SMG1: variants seen among roughly 807,000 people sequenced by gnomAD.
The protein encoded by SMG1 is serine/threonine-protein kinase SMG1.
In SMG1, 22 loss-of-function variants were observed where a neutral mutation model predicts 419.9. The ratio of observed to expected loss-of-function variants is 0.05; its 90% CI spans 0.04 to 0.07. The LOEUF (loss-of-function observed/expected upper bound fraction) is 0.07. Among genes scored for constraint, SMG1 ranks in the 10% least tolerant of loss-of-function variants. The pLI is 1.00. For synonymous variants in SMG1, 1,538 were observed against 1,553.5 expected, an observed-to-expected ratio of 0.99 and a Z score of 0.23; for missense variants, 3,185 against 4,342.0, an observed-to-expected ratio of 0.73 and a Z score of 7.49.
At chr16:18,856,862 G>A (rs922531689) in intron 29 of SMG1, 4 of 105,214 alleles carry the variant, frequency 3.8e-5, no homozygotes, top group African/African-American at 1.7e-4. Context: ...AGAGTGAGAT[G>A]GTCTCAAAAA....
At chr16:18,878,153 C>G (rs1313439878) in intron 11 of SMG1, 4 of 152,198 alleles carry the variant, frequency 2.6e-5, no homozygotes, top group Non-Finnish European at 5.9e-5. Context: ...CCTGTAATCT[C>G]AGCACTTTGG....
chr16:18,835,798 C>G, intron 48 of SMG1, 135 bp downstream of exon 48: 1 of 812,798 alleles, frequency 1.2e-6, no homozygotes, highest in Non-Finnish European at 1.9e-6. Flanking sequence ...ACTCTGGAGG[C>G]TGAGGCAGAG....
intron 1 of SMG1, among the ~76,000 whole-genome samples, chr16:18,908,224 C>T (rs997515390): frequency 6.6e-6 from 1 of 151,716 alleles, no homozygotes; most frequent in African/African-American, 2.4e-5. Flanking sequence ...AAAAATTAGG[C>T]AGGCGTGGTG....
In SMG1 at chr16:18,897,872, A is replaced by C. The variant is rs1480439014; in HGVS notation, c.93-916T>G. ...ATCCAAGTAAGTTCTTCCCCTACTG[A>C]TTTTCTCCTGAGAGGAACAACTTTG... On this transcript the variant is annotated intron_variant, in intron 1 of 62. Coordinates refer to ENST00000446231, the MANE Select transcript of SMG1 (RefSeq NM_015092.5). Among the ~76,000 whole-genome samples the C allele has an allele frequency of 2.0e-5, 3 of 150,898 alleles. No individual in the cohort carries two copies. The East Asian group carries it at 5.8e-4, about 29-fold the overall frequency.
Position 18,838,688 on chromosome 16 carries a change from G to A in SMG1, c.6947C>T (p.Ser2316Phe). 6.3e-7 allele frequency: 1 copy of A among 1,579,924 alleles called. No individual in the cohort carries two copies. The highest frequency in any genetic ancestry group is 8.6e-7 in the Non-Finnish European group (1 of 1,164,440). ...CATGACTGCAGTAGATCTTGCATAA[G>A]ACTAAAGGAAAGGAAATGGGGGCAG... is the stretch of plus-strand genomic sequence containing the variant. ...TPDEWWRVTQ[S>F]YARSTAVMSM... Residue 2316 changes from serine to phenylalanine, a missense_variant and splice_region_variant, in exon 43 of 63, where the codon TCT (serine) becomes TTT (phenylalanine). Physicochemically the swap from Ser to Phe is radical, Grantham distance 155. Around this residue, in one of 27 missense-constraint regions of SMG1, gnomAD observed 132 missense variants for 151.0 expected, o/e 0.87. Transcript: ENST00000446231.
At chr16:18,816,601 TCAA>T (rs1255008784) in intron 57 of SMG1, 72 bp from the exon 58 acceptor site, 72 of 1,256,220 alleles carry the variant, frequency 5.7e-5, no homozygotes, top group Non-Finnish European at 7.6e-5. Context: ...ATTAACATCA[TCAA>T]AAGATATTAG....
intron 51 of SMG1, among the ~76,000 whole-genome samples, chr16:18,831,038 T>C (rs1240597894): frequency 2.0e-5 from 3 of 152,186 alleles, no homozygotes; most frequent in African/African-American, 7.2e-5. Context: ...TTCGCACTAT[T>C]ACTACAAGAT....
At chr16:18,869,799 C>T in intron 19 of SMG1, 55 bp downstream of exon 19, 1 of 1,499,948 alleles carries the variant, frequency 6.7e-7, no homozygotes, top group Non-Finnish European at 9.1e-7. Context: ...CATGTAAAGT[C>T]AAAAGAATCT....
At chr16:18,898,981 C>G (rs1407385893) in intron 1 of SMG1, among the ~76,000 whole-genome samples, 1 of 152,132 alleles carries the variant, frequency 6.6e-6, no homozygotes, top group East Asian at 1.9e-4. Context: ...TGATACCTAC[C>G]TAACATGCAA....
At chr16:18,849,705 T>C (rs1342373093) in intron 35 of SMG1, among the ~76,000 whole-genome samples, 1 of 152,040 alleles carries the variant, frequency 6.6e-6, no homozygotes, top group Non-Finnish European at 1.5e-5. Context: ...TTTTGAAAAT[T>C]TTTCACCACC....
intron 60 of SMG1, 48 bp from the exon 61 acceptor site, chr16:18,812,175 G>C: frequency 6.4e-7 from 1 of 1,573,580 alleles, no homozygotes; most frequent in East Asian, 2.2e-5. Flanking sequence ...ACAGAACATG[G>C]AGGGGGCAGA....
At chr16:18,879,275 C>T in intron 11 of SMG1, 2 of 530,432 alleles carry the variant, frequency 3.8e-6, no homozygotes, top group East Asian at 3.4e-5. Flanking sequence ...GCCACTACAC[C>T]AAGCTAATTT....
chr16:18,811,874 A>G lies in SMG1; in HGVS notation c.10802-7T>C. 1.9e-6 allele frequency: 3 copies of G among 1,613,776 alleles called. No individual in the cohort carries two copies. The East Asian group carries it at 6.7e-5, about 36-fold the overall frequency. Reference sequence around the variant, plus strand: ...GAGTTTCTCTCTTGCACCGCTATGAAGCAACAAAAACATACGTAAGTCAAA... The same window carrying G: ...GAGTTTCTCTCTTGCACCGCTATGAGGCAACAAAAACATACGTAAGTCAAA... On this transcript the variant is annotated splice_region_variant and splice_polypyrimidine_tract_variant and intron_variant, in intron 61 of 62. Coordinates refer to ENST00000446231, the MANE Select transcript of SMG1 (RefSeq NM_015092.5).
intron 1 of SMG1, among the ~76,000 whole-genome samples, chr16:18,917,050 A>T (rs1440631858): frequency 6.6e-6 from 1 of 152,162 alleles, no homozygotes; most frequent in Non-Finnish European, 1.5e-5. Context: ...GTATCACTTT[A>T]GTAATCATCC....
At chr16:18,827,835 A>T (rs1283389088) in intron 55 of SMG1, among the ~76,000 whole-genome samples, 196 bp downstream of exon 55, 2 of 125,570 alleles carry the variant, frequency 1.6e-5, no homozygotes, top group Non-Finnish European at 3.4e-5. Context: ...ATGTTTTTAT[A>T]TATCTTTGGT....
chr16:18,917,749 G>A (rs867322333), intron 1 of SMG1, among the ~76,000 whole-genome samples: 1 of 150,754 alleles, frequency 6.6e-6, no homozygotes, highest in Non-Finnish European at 1.5e-5. Flanking sequence ...GACTAATTTT[G>A]TATTTTTAGT....
chr16:18,816,979 T>C (rs186467444), intron 57 of SMG1, among the ~76,000 whole-genome samples: 3 of 152,332 alleles, frequency 2.0e-5, no homozygotes, highest in East Asian at 1.9e-4. Context: ...TCCTGCTCTA[T>C]TTTCAGTGCA....
chr16:18,897,566 T>C (rs887696243), intron 1 of SMG1, among the ~76,000 whole-genome samples: 5 of 152,162 alleles, frequency 3.3e-5, no homozygotes, highest in Non-Finnish European at 5.9e-5. Context: ...AAATAAAAGG[T>C]ATCAGAAATG....
At chr16:18,895,512 A>C (rs532166557) in intron 3 of SMG1, among the ~76,000 whole-genome samples, 4 of 151,374 alleles carry the variant, frequency 2.6e-5, no homozygotes, top group Admixed American at 6.6e-5. Flanking sequence ...AAAAAAAAAA[A>C]CCAGAAAAGT....
Sources: gnomAD v4.1 joint callset for allele counts (sites outside exome capture counted in the v4.1 genomes callset) on GRCh38, gnomAD v4.1.1 for gene constraint, gnomAD v4.1.1 regional missense constraint, MANE v1.5 for transcripts, NCBI Gene and HGNC (gene_info 2026-07-23, HGNC 2026-07-21) for gene names.